NSFL1C: variants seen among roughly 807,000 people sequenced by gnomAD.
The protein encoded by NSFL1C is NSFL1 cofactor.
NSFL1C carries 14 observed loss-of-function variants against 43.1 expected under a neutral mutation model. That is an observed-to-expected ratio of 0.32 (90% CI 0.21 to 0.51). The LOEUF is 0.51. NSFL1C is among the 20% of genes least tolerant of loss of function. The pLI, the probability that NSFL1C is intolerant of heterozygous loss-of-function variation, is 0.98. For synonymous variants in NSFL1C, 171 were observed against 183.5 expected (o/e 0.93, Z 0.55); for missense variants, 406 against 472.5 (o/e 0.86, Z 1.30).
intron 7 of NSFL1C, among the ~76,000 whole-genome samples, chr20:1,451,743 T>A (rs1410837301): frequency 6.6e-6 from 1 of 152,150 alleles, no homozygotes; most frequent in Non-Finnish European, 1.5e-5. Context: ...GAGAACCGTA[T>A]GAGGGATACC....
chr20:1,466,626 G>T, intron 1 of NSFL1C, 94 bp downstream of exon 1: 2 of 1,200,448 alleles, frequency 1.7e-6, no homozygotes, highest in South Asian at 1.4e-5. Flanking sequence ...GAGCGGGGAT[G>T]ACTGTGCGCT....
chr20:1,444,418 G>C (rs1237330000), intron 8 of NSFL1C, among the ~76,000 whole-genome samples: 1 of 152,186 alleles, frequency 6.6e-6, no homozygotes, highest in Non-Finnish European at 1.5e-5. Flanking sequence ...AGGACAGTGT[G>C]TGTCTCTTTT....
intron 1 of NSFL1C, 69 bp from the exon 2 acceptor site, chr20:1,464,495 A>C: frequency 8.0e-7 from 1 of 1,249,758 alleles, no homozygotes; most frequent in Non-Finnish European, 1.2e-6. Flanking sequence ...TCCTTTGAGC[A>C]CAAAGGAATA....
intron 1 of NSFL1C, among the ~76,000 whole-genome samples, chr20:1,464,734 C>G (rs1008088477): frequency 5.3e-5 from 8 of 152,198 alleles, no homozygotes; most frequent in Admixed American, 1.3e-4. Context: ...CATTTACATG[C>G]CAGGTTGTTC....
chr20:1,447,709 C>G (rs2090091468), intron 7 of NSFL1C, among the ~76,000 whole-genome samples: 1 of 152,172 alleles, frequency 6.6e-6, no homozygotes, highest in African/African-American at 2.4e-5. Flanking sequence ...ATAACGTTTT[C>G]AGGCAGGCCT....
chr20:1,460,976 T>G (rs2090398358), intron 2 of NSFL1C, among the ~76,000 whole-genome samples: 1 of 152,114 alleles, frequency 6.6e-6, no homozygotes, highest in Middle Eastern at 3.2e-3. Flanking sequence ...AGAAGCAGCT[T>G]TGGACTTAGG....
At chr20:1,453,191 T>C (rs1390060470) in intron 5 of NSFL1C, 51 bp from the exon 6 acceptor site, 2 of 1,047,346 alleles carry the variant, frequency 1.9e-6, no homozygotes, top group Admixed American at 3.5e-5. Context: ...AGCATACCAA[T>C]TTGAACTTGC....
rs1378176322 is a variant in NSFL1C at position 1,442,504 on chromosome 20, A to C, written c.*1245T>G. The C allele has an allele frequency of 3.3e-5, 5 of 152,232 alleles. No individual in the cohort carries two copies. The highest frequency in any genetic ancestry group is 4.8e-5 in the African/African-American group (2 of 41,448). The allele number at this position is 152,232 out of a possible 1,614,324, so 9.4% of individuals were successfully genotyped here. A position where few individuals can be genotyped will look rare whatever the true frequency, so the allele number is the denominator to read the frequency against. ...AGGCACATTACGATTCCAAACCAGG[A>C]GATCCTGAGTCAGCACTGATTCTGT... On this transcript the variant is annotated 3_prime_UTR_variant, in exon 9 of 9. Transcript: ENST00000216879.
rs747629679 is a variant in NSFL1C at position 1,466,810 on chromosome 20, T to C, written c.15A>G (p.Arg5=). Residue 5 remains arginine, a synonymous_variant, in exon 1 of 9, where the codon CGA becomes CGG. Coordinates refer to ENST00000216879, the MANE Select transcript of NSFL1C (RefSeq NM_016143.5). ...CCACGAACTCCCTCAGCGCCTCCTGTCGCTCCGCCGCCATCTTCGCCCCGT... is the reference window on the plus strand; with the variant it reads ...CCACGAACTCCCTCAGCGCCTCCTGCCGCTCCGCCGCCATCTTCGCCCCGT... MAAE[R]QEALREFVAV... 1.1e-5 allele frequency: 17 copies of C among 1,546,238 alleles called. No homozygotes were observed. The highest frequency in any genetic ancestry group is 1.5e-5 in the Non-Finnish European group (17 of 1,148,770).
intron 6 of NSFL1C, 68 bp downstream of exon 6, chr20:1,452,963 T>G: frequency 1.2e-6 from 1 of 865,406 alleles, no homozygotes; most frequent in Non-Finnish European, 2.0e-6. Context: ...ATAAACATTC[T>G]GCCTCCTCCT....
At chr20:1,456,952 T>C (rs893692565) in intron 3 of NSFL1C, 9 of 152,246 alleles carry the variant, frequency 5.9e-5, no homozygotes, top group Admixed American at 5.9e-4. Context: ...GATGTAGCAT[T>C]GATCCAGCAA....
At chr20:1,460,776 T>G (rs2090393416) in intron 2 of NSFL1C, among the ~76,000 whole-genome samples, 1 of 152,222 alleles carries the variant, frequency 6.6e-6, no homozygotes, top group Admixed American at 6.5e-5. Flanking sequence ...TAATTTCAAT[T>G]AATTTAAATA....
intron 1 of NSFL1C, among the ~76,000 whole-genome samples, chr20:1,465,849 G>A (rs1018277883): frequency 1.3e-5 from 2 of 152,164 alleles, no homozygotes; most frequent in African/African-American, 2.4e-5. Flanking sequence ...TAGCTAGTGA[G>A]GCCTTGAGCA....
At chr20:1,446,239 C>A in intron 7 of NSFL1C, 1 of 261,454 alleles carries the variant, frequency 3.8e-6, no homozygotes, top group Non-Finnish European at 7.8e-6. Flanking sequence ...GGGGAGTGTT[C>A]CAAGTCTGCA....
chr20:1,465,053 C>T (rs2090482581), intron 1 of NSFL1C, among the ~76,000 whole-genome samples: 1 of 152,206 alleles, frequency 6.6e-6, no homozygotes, highest in African/African-American at 2.4e-5. Flanking sequence ...AACCTGCACA[C>T]TGGATGAGAT....
rs1441686325 is a variant in NSFL1C at position 1,445,656 on chromosome 20, T to C, written c.950+10A>G. The C allele has an allele frequency of 6.2e-7, 1 of 1,611,980 alleles. No homozygotes were observed. Among genetic ancestry groups the C allele is most frequent in the South Asian group, 1.1e-5 (1 of 90,978 alleles). The stretch of plus-strand genomic sequence containing the variant: ...TCCTAGAATAAGCTAGGCCACACAA[T>C]GCAAGGTACCTGTGGCTGTGGTTAA... On this transcript the variant is annotated intron_variant, in intron 8 of 8. Transcript: ENST00000216879.
chr20:1,451,774 A>G (rs1486608504), intron 7 of NSFL1C, among the ~76,000 whole-genome samples: 1 of 152,222 alleles, frequency 6.6e-6, no homozygotes, highest in Non-Finnish European at 1.5e-5. Flanking sequence ...AACCAATCAG[A>G]TATCATCAGA....
intron 1 of NSFL1C, among the ~76,000 whole-genome samples, chr20:1,465,766 G>A (rs2090497342): frequency 6.6e-6 from 1 of 152,188 alleles, no homozygotes; most frequent in African/African-American, 2.4e-5. Context: ...TTGGCACATG[G>A]TGGTTTAAAG....
rs2090206702 is a variant in NSFL1C at position 1,452,623 on chromosome 20, G to C, written c.655C>G (p.Pro219Ala). The C allele has an allele frequency of 2.5e-6, 4 of 1,614,082 alleles. No individual in the cohort carries two copies. Among genetic ancestry groups the C allele is most frequent in the Non-Finnish European group, 3.4e-6 (4 of 1,180,008 alleles). Residue 219 changes from proline to alanine, a missense_variant, in exon 7 of 9, where the codon CCA (proline) becomes GCA (alanine). Coordinates refer to ENST00000216879, the MANE Select transcript of NSFL1C (RefSeq NM_016143.5). ...TGAGCTAGCCTCCGAAGCTCTGCTGGCACCTCCCTGTGGAAGAAAAGGCCA... is the reference window on the plus strand; with the variant it reads ...TGAGCTAGCCTCCGAAGCTCTGCTGCCACCTCCCTGTGGAAGAAAAGGCCA... ...FLESIRRGEV[P>A]AELRRLAHGG... is the part of the protein sequence containing the mutation.
Sources: allele counts gnomAD v4.1 joint callset (sites outside exome capture counted in the v4.1 genomes callset), GRCh38; gene constraint gnomAD v4.1.1; transcripts MANE v1.5; gene names NCBI Gene and HGNC (gene_info 2026-07-23, HGNC 2026-07-21).